SLC13A1: variants seen among roughly 807,000 people sequenced by gnomAD.
SLC13A1 encodes the protein solute carrier family 13 member 1, also known as Na(+)/sulfate cotransporter.
SLC13A1 carries 65 observed loss-of-function variants against 70.0 expected under a neutral mutation model. The observed-to-expected ratio is 0.93, with a 90% CI of 0.76 to 1.14. The LOEUF (loss-of-function observed/expected upper bound fraction) is 1.14, where lower values mean the gene tolerates loss of function less well. Ranked by LOEUF, SLC13A1 falls within the 50% of genes most tolerant of loss-of-function variation. The pLI, the probability that SLC13A1 is intolerant of heterozygous loss-of-function variation, is 0.00. For missense variants in SLC13A1, 726 were observed against 717.8 expected (o/e 1.01, Z -0.13); for synonymous variants, 275 against 250.5 (o/e 1.10, Z -0.92).
chr7:123,121,614 T>G (rs1263958190), intron 12 of SLC13A1, among the ~76,000 whole-genome samples: 1 of 152,102 alleles, frequency 6.6e-6, no homozygotes, highest in Non-Finnish European at 1.5e-5. Context: ...CAAGAATGTA[T>G]GAAAATTGAA....
intron 8 of SLC13A1, 51 bp from the exon 9 acceptor site, chr7:123,129,532 C>T (rs1042291085): frequency 1.5e-6 from 2 of 1,339,870 alleles, no homozygotes; most frequent in Admixed American, 3.4e-5. Flanking sequence ...ACTACCACCT[C>T]CCTGTAAGGA....
chr7:123,129,472 C>T lies in SLC13A1; in HGVS notation c.942G>A (p.Glu314=), dbSNP rs1793681962. 1 of 1,612,468 alleles carries T rather than the reference C, an allele frequency of 6.2e-7. No individual in the cohort carries two copies. The highest frequency in any genetic ancestry group is 1.1e-5 in the South Asian group (1 of 91,002). Reference sequence around the variant, plus strand: ...TTTTGGTTTTGCCACATTTGAACATCTCCTTAAAACTGCAAAGAATAATTA... The same window carrying T: ...TTTTGGTTTTGCCACATTTGAACATTTCCTTAAAACTGCAAAGAATAATTA... ...QWLFLGFNFK[E]MFKCGKTKTV... Residue 314 remains glutamate, a synonymous_variant, in exon 9 of 15, where the codon GAG becomes GAA. Transcript: ENST00000194130.
intron 1 of SLC13A1, among the ~76,000 whole-genome samples, chr7:123,198,295 C>T (rs528385644): frequency 3.6e-4 from 51 of 140,614 alleles, no homozygotes; most frequent in African/African-American, 1.1e-3. Flanking sequence ...CACAAGGAGC[C>T]GGGGTGGGAG....
intron 6 of SLC13A1, chr7:123,149,600 T>C (rs754444186): frequency 2.2e-6 from 1 of 456,582 alleles, no homozygotes; most frequent in South Asian, 1.5e-5. Flanking sequence ...AGCTGTTTTT[T>C]GGTCACCTCA....
intron 7 of SLC13A1, among the ~76,000 whole-genome samples, chr7:123,137,465 G>C (rs768789350): frequency 5.9e-5 from 9 of 152,218 alleles, no homozygotes; most frequent in South Asian, 4.1e-4. Flanking sequence ...CCTTAAAAGA[G>C]AGTTTCCTGC....
At chr7:123,141,919 T>C (rs909208005) in intron 7 of SLC13A1, among the ~76,000 whole-genome samples, 1 of 152,174 alleles carries the variant, frequency 6.6e-6, no homozygotes, top group South Asian at 2.1e-4. Context: ...TTAGTCCACT[T>C]ACATTCAATG....
chr7:123,149,681 T>A, intron 6 of SLC13A1: 1 of 450,948 alleles, frequency 2.2e-6, no homozygotes. Context: ...TACTCAGGGG[T>A]AGAAAGAGTA....
intron 13 of SLC13A1, 70 bp from the exon 14 acceptor site, chr7:123,117,678 AG>A: frequency 1.0e-6 from 1 of 954,014 alleles, no homozygotes; most frequent in African/African-American, 1.6e-5. Flanking sequence ...AAAAAAAAAA[AG>A]TATTACAATA....
At position 123,199,914 on chromosome 7, in the gene SLC13A1, G is replaced by T. The variant is rs1291307244; in HGVS notation, c.33C>A (p.Arg11=). The T allele has an allele frequency of 1.2e-6, 2 of 1,613,054 alleles. No homozygotes were observed. The highest frequency in any genetic ancestry group is 1.7e-5 in the Admixed American group (1 of 59,858). MKFFSYILVY[R]RFLFVVFTVL... is the part of the protein sequence containing the mutation. ...CAGTGAAAACCACGAAGAGAAATCG[G>T]CGATAAACCAGAATGTAACTGAAGA... is the stretch of plus-strand genomic sequence containing the variant. The change falls in exon 1 of 15, where the codon CGC becomes CGA. Residue 11 remains arginine, a synonymous_variant. Coordinates refer to ENST00000194130, the MANE Select transcript of SLC13A1 (RefSeq NM_022444.4).
At chr7:123,168,890 A>G (rs1795161061) in intron 4 of SLC13A1, among the ~76,000 whole-genome samples, 1 of 152,216 alleles carries the variant, frequency 6.6e-6, no homozygotes, top group African/African-American at 2.4e-5. Context: ...TGATAAAGAC[A>G]TGAGAGAGTG....
At chr7:123,148,351 C>T (rs1017669543) in intron 6 of SLC13A1, 3 of 337,258 alleles carry the variant, frequency 8.9e-6, no homozygotes, top group Admixed American at 8.4e-5. Flanking sequence ...TTTTTTATCT[C>T]ATTTCCAACG....
In SLC13A1 at chr7:123,169,177, C is replaced by G. The variant is rs1309991835; in HGVS notation, c.524G>C (p.Gly175Ala). Residue 175 changes from glycine (G) to alanine (A), a missense_variant, in exon 4 of 15, where the codon GGA becomes GCA. Coordinates refer to ENST00000194130, the MANE Select transcript of SLC13A1 (RefSeq NM_022444.4). Reference sequence around the variant, plus strand: ...AATTTCTAGTCCGTGGTTGGTTGATCCGTTGAAGTAAGTCATCTGAGTGGC... The same window carrying G: ...AATTTCTAGTCCGTGGTTGGTTGATGCGTTGAAGTAAGTCATCTGAGTGGC... ...VEATQMTYFN[G>A]STNHGLEIDE... is the part of the protein sequence containing the mutation. 1 of 1,614,036 alleles carries G rather than the reference C, an allele frequency of 6.2e-7. No homozygotes were observed. The highest frequency in any genetic ancestry group is 8.5e-7 in the Non-Finnish European group (1 of 1,179,958).
At chr7:123,143,226 C>T (rs1461864935) in intron 7 of SLC13A1, among the ~76,000 whole-genome samples, 3 of 152,146 alleles carry the variant, frequency 2.0e-5, no homozygotes, top group East Asian at 3.9e-4. Flanking sequence ...CTTAGCTGCC[C>T]TGTCTTTTGT....
chr7:123,163,400 G>A (rs996631908), intron 6 of SLC13A1, among the ~76,000 whole-genome samples: 1 of 152,022 alleles, frequency 6.6e-6, no homozygotes, highest in African/African-American at 2.4e-5. Flanking sequence ...ATAGTGAGAA[G>A]AGAACTTCAT....
At chr7:123,172,805 AG>A (rs1795317867) in intron 2 of SLC13A1, among the ~76,000 whole-genome samples, 1 of 151,992 alleles carries the variant, frequency 6.6e-6, no homozygotes, top group Non-Finnish European at 1.5e-5. Flanking sequence ...TTTTTTTAAA[AG>A]GGTTGTGTAA....
chr7:123,138,792 C>T (rs1030676912), intron 7 of SLC13A1, among the ~76,000 whole-genome samples: 1 of 151,988 alleles, frequency 6.6e-6, no homozygotes, highest in African/African-American at 2.4e-5. Flanking sequence ...GTTGTTTAAG[C>T]TCCTTATATA....
intron 12 of SLC13A1, among the ~76,000 whole-genome samples, chr7:123,119,788 A>G (rs960068964): frequency 2.0e-5 from 1 of 50,058 alleles, no homozygotes; most frequent in Admixed American, 2.4e-4. Context: ...TACCAAACAT[A>G]TATTTTTTGT....
chr7:123,119,051 G>A, intron 13 of SLC13A1, 30 bp downstream of exon 13: 1 of 1,586,770 alleles, frequency 6.3e-7, no homozygotes, highest in Non-Finnish European at 8.6e-7. Context: ...TCTTAATGAA[G>A]AGTAAAAAGG....
At chr7:123,194,842 G>A (rs918319625) in intron 1 of SLC13A1, among the ~76,000 whole-genome samples, 1 of 152,090 alleles carries the variant, frequency 6.6e-6, no homozygotes, top group Non-Finnish European at 1.5e-5. Context: ...AAAACAGAAG[G>A]AGCAGCAGGT....
Sources: gnomAD v4.1 joint callset for allele counts (sites outside exome capture counted in the v4.1 genomes callset) on GRCh38, gnomAD v4.1.1 for gene constraint, MANE v1.5 for transcripts, NCBI Gene and HGNC (gene_info 2026-07-23, HGNC 2026-07-21) for gene names.